The following NBAS variants were observed in gnomAD, a reference collection of about 807,000 sequenced individuals.
The protein encoded by NBAS is NBAS subunit of NRZ tethering complex, also known as NAG/BC035112 fusion.
NBAS carries 219 observed loss-of-function variants against 302.5 expected under a neutral mutation model. The ratio of observed to expected loss-of-function variants is 0.72; its 90% CI spans 0.65 to 0.81. NBAS has a LOEUF of 0.81. Ranked by LOEUF, NBAS falls within the 30% of genes least tolerant of loss-of-function variation. NBAS has a pLI of 0.00. For missense variants in NBAS, 2,932 were observed against 2,841.6 expected, an observed-to-expected ratio of 1.03 and a Z score of -0.72; for synonymous variants, 1,118 against 1,021.6, an observed-to-expected ratio of 1.09 and a Z score of -1.80.
At chr2:15,154,618 T>A in the NBAS span, among the ~76,000 whole-genome samples, 2 of 152,182 alleles carry the variant, frequency 1.3e-5, no homozygotes, top group Admixed American at 1.3e-4. Flanking sequence ...AAGCCTTTCA[T>A]CTCTATTGAG....
rs376336438 is a variant in NBAS at position 15,238,850 on chromosome 2, G to T, written c.5725-164C>A. On this transcript the variant is annotated intron_variant, in intron 44 of 51. Coordinates refer to ENST00000281513, the MANE Select transcript of NBAS (RefSeq NM_015909.4). The stretch of plus-strand genomic sequence containing the variant: ...TTTTCTTCTGTGAAGAAAACAAAAA[G>T]TGAGGTGCCATTTGCATCATTAAAC... Among the ~76,000 whole-genome samples, 10 of 152,216 alleles carry T rather than the reference G, an allele frequency of 6.6e-5. No homozygotes were observed. The South Asian group carries it at 8.3e-4, about 13-fold the overall frequency.
At chr2:15,450,275 T>A (rs1678944980) in intron 21 of NBAS, among the ~76,000 whole-genome samples, 1 of 152,214 alleles carries the variant, frequency 6.6e-6, no homozygotes, top group African/African-American at 2.4e-5. Context: ...TATTTTGTAC[T>A]CTGTGAATAA....
intron 21 of NBAS, among the ~76,000 whole-genome samples, chr2:15,456,180 T>C (rs906518672): frequency 1.3e-5 from 2 of 152,220 alleles, no homozygotes; most frequent in Non-Finnish European, 2.9e-5. Context: ...CAAATACACA[T>C]GATGATTTAA....
the NBAS span, among the ~76,000 whole-genome samples, chr2:14,880,785 T>C: frequency 6.6e-6 from 1 of 151,866 alleles, no homozygotes; most frequent in Non-Finnish European, 1.5e-5. Context: ...CAAAATAAAA[T>C]AAGACCTAAA....
At chr2:15,295,622 A>C (rs1275719104) in intron 40 of NBAS, among the ~76,000 whole-genome samples, 1 of 152,258 alleles carries the variant, frequency 6.6e-6, no homozygotes, top group Non-Finnish European at 1.5e-5. Flanking sequence ...GCCATATACA[A>C]ATCATAGTTT....
At chr2:15,335,617 T>G (rs565263807) in intron 35 of NBAS, among the ~76,000 whole-genome samples, 7 of 152,332 alleles carry the variant, frequency 4.6e-5, no homozygotes, top group African/African-American at 1.7e-4. Flanking sequence ...TTTGGGCCAT[T>G]TGAACACGTT....
At chr2:15,156,655 C>T in the NBAS span, among the ~76,000 whole-genome samples, 4 of 152,180 alleles carry the variant, frequency 2.6e-5, no homozygotes, top group Non-Finnish European at 4.4e-5. Context: ...CCAAAGGCCC[C>T]ACCTCTGAAT....
At position 15,337,800 on chromosome 2, in the gene NBAS, G is replaced by A. The variant is rs7594985; in HGVS notation, c.4180-7035C>T. The stretch of plus-strand genomic sequence containing the variant: ...TAGTTTAACCAGAAACATTAATGAA[G>A]AAAATAGATTTCTTTTAACTTCATA... On this transcript the variant is annotated intron_variant, in intron 35 of 51. Transcript: ENST00000281513. Among the ~76,000 whole-genome samples, 5 of 152,134 alleles carry A rather than the reference G, an allele frequency of 3.3e-5. No individual in the cohort carries two copies. In the East Asian group the frequency reaches 9.6e-4, roughly 29 times the overall value.
chr2:15,247,688 A>C (rs1371538027), intron 44 of NBAS, among the ~76,000 whole-genome samples: 1 of 139,618 alleles, frequency 7.2e-6, no homozygotes, highest in Non-Finnish European at 1.6e-5. Context: ...CTCTATATAT[A>C]TATCTATATA....
At chr2:14,842,236 A>G in the NBAS span, among the ~76,000 whole-genome samples, 11 of 151,926 alleles carry the variant, frequency 7.2e-5, no homozygotes, top group African/African-American at 2.7e-4. Context: ...AAAATTAGAA[A>G]GACTTCAAAT....
intron 9 of NBAS, among the ~76,000 whole-genome samples, chr2:15,528,218 C>T (rs1015984309): frequency 1.3e-5 from 2 of 151,892 alleles, no homozygotes; most frequent in African/African-American, 4.8e-5. Context: ...CCAAAGCAAG[C>T]CCACGTGCTA....
intron 35 of NBAS, among the ~76,000 whole-genome samples, chr2:15,345,751 A>G (rs1488354184): frequency 2.0e-5 from 3 of 152,212 alleles, no homozygotes; most frequent in Admixed American, 6.5e-5. Context: ...CCTGACTTCA[A>G]ACTATACTAC....
chr2:15,409,312 C>T (rs1271182244), intron 25 of NBAS, among the ~76,000 whole-genome samples: 4 of 152,194 alleles, frequency 2.6e-5, no homozygotes, highest in Non-Finnish European at 4.4e-5. Context: ...GATCTGAATG[C>T]ACCTCGTATC....
chr2:15,383,194 C>T (rs773837878), intron 29 of NBAS, 21 bp downstream of exon 29: 29 of 1,583,010 alleles, frequency 1.8e-5, no homozygotes, highest in East Asian at 9.0e-5. Flanking sequence ...AAAAAAAAAT[C>T]GTATATGGTT....
At chr2:15,516,475 C>G (rs1399651549) in intron 9 of NBAS, among the ~76,000 whole-genome samples, 1 of 152,072 alleles carries the variant, frequency 6.6e-6, no homozygotes, top group Non-Finnish European at 1.5e-5. Context: ...GTAATCCCAG[C>G]ACTTTGGGAA....
chr2:14,820,879 C>A, the NBAS span, among the ~76,000 whole-genome samples: 1 of 152,002 alleles, frequency 6.6e-6, no homozygotes, highest in African/African-American at 2.4e-5. Flanking sequence ...GTCAGCCACG[C>A]GAGCAGCTTC....
At chr2:14,928,550 AAATAAT>A in the NBAS span, among the ~76,000 whole-genome samples, 1 of 152,178 alleles carries the variant, frequency 6.6e-6, no homozygotes, top group Non-Finnish European at 1.5e-5. Flanking sequence ...ATTTTAATAC[AAATAAT>A]AAGAATGATT....
At chr2:14,903,575 G>A in the NBAS span, among the ~76,000 whole-genome samples, 58 of 152,272 alleles carry the variant, frequency 3.8e-4, 1 homozygote, top group East Asian at 0.01. Flanking sequence ...GAAAACAATA[G>A]GGGGTGGAGG....
chr2:14,807,867 C>A, the NBAS span, among the ~76,000 whole-genome samples: 1 of 151,926 alleles, frequency 6.6e-6, no homozygotes, highest in African/African-American at 2.4e-5. Flanking sequence ...ATTGGGCACA[C>A]AGTAGATGTT....
Sources: allele counts gnomAD v4.1 joint callset (sites outside exome capture counted in the v4.1 genomes callset), GRCh38; gene constraint gnomAD v4.1.1; transcripts MANE v1.5; gene names NCBI Gene and HGNC (gene_info 2026-07-23, HGNC 2026-07-21).